The following PTPN14 variants were observed in gnomAD, a reference collection of about 807,000 sequenced individuals.
The protein encoded by PTPN14 is protein tyrosine phosphatase non-receptor type 14.
PTPN14 carries 53 observed loss-of-function variants against 126.8 expected under a neutral mutation model. That is an observed-to-expected ratio of 0.42 (90% confidence interval 0.34 to 0.53). The LOEUF (loss-of-function observed/expected upper bound fraction) is 0.53, where lower values mean the gene tolerates loss of function less well. Ranked by LOEUF, PTPN14 falls within the 20% of genes least tolerant of loss-of-function variation. The probability of loss-of-function intolerance (pLI) is 0.08; values close to 1 mark genes in which losing one functional copy is unlikely to be tolerated. For synonymous variants in PTPN14, 630 were observed against 599.3 expected (o/e 1.05, Z -0.75); for missense variants, 1,257 against 1,552.9 (o/e 0.81, Z 3.20).
At chr1:214,494,841 C>A (rs1333846844) in intron 1 of PTPN14, among the ~76,000 whole-genome samples, 1 of 152,082 alleles carries the variant, frequency 6.6e-6, no homozygotes, top group Admixed American at 6.5e-5. Context: ...AAAAGGAAGA[C>A]CAAAGTATAA....
At chr1:214,462,810 A>G (rs1476049475) in intron 2 of PTPN14, among the ~76,000 whole-genome samples, 1 of 152,250 alleles carries the variant, frequency 6.6e-6, no homozygotes, top group Admixed American at 6.5e-5. Context: ...GTTCTAAAAA[A>G]GTGCCTGGCA....
At chr1:214,460,845 C>T (rs1660494871) in intron 2 of PTPN14, among the ~76,000 whole-genome samples, 1 of 152,142 alleles carries the variant, frequency 6.6e-6, no homozygotes, top group Non-Finnish European at 1.5e-5. Flanking sequence ...ACAATAGGAA[C>T]CAGGCCTGGA....
intron 1 of PTPN14, among the ~76,000 whole-genome samples, chr1:214,497,702 G>T (rs1170855450): frequency 6.6e-6 from 1 of 152,116 alleles, no homozygotes; most frequent in Non-Finnish European, 1.5e-5. Context: ...TTACCGAGTG[G>T]CAAAAGCAAA....
intron 3 of PTPN14, among the ~76,000 whole-genome samples, chr1:214,434,029 G>A (rs1343765496): frequency 6.6e-6 from 1 of 151,746 alleles, no homozygotes; most frequent in Non-Finnish European, 1.5e-5. Flanking sequence ...TTACTTGGGA[G>A]GCTGAGGTGG....
chr1:214,548,586 T>C (rs761396103), intron 1 of PTPN14, among the ~76,000 whole-genome samples: 42 of 152,118 alleles, frequency 2.8e-4, no homozygotes, highest in Non-Finnish European at 6.0e-4. Context: ...GACTAAGTAA[T>C]GAAGCTCAAA....
chr1:214,470,410 A>C (rs1660727417), intron 1 of PTPN14, among the ~76,000 whole-genome samples: 1 of 152,190 alleles, frequency 6.6e-6, no homozygotes, highest in African/African-American at 2.4e-5. Flanking sequence ...CTTATAAAGA[A>C]AAGTAGCCTG....
chr1:214,410,441 T>C (rs145288848), intron 5 of PTPN14, among the ~76,000 whole-genome samples: 2,605 of 152,136 alleles, frequency 0.017, 83 homozygotes, highest in African/African-American at 0.059. Flanking sequence ...TAGAGGTGTG[T>C]GCCACCAAGC....
intron 3 of PTPN14, among the ~76,000 whole-genome samples, chr1:214,415,547 C>G (rs1659407139): frequency 2.0e-5 from 3 of 152,346 alleles, no homozygotes; most frequent in African/African-American, 7.2e-5. Context: ...AATCCTTTTG[C>G]TCCTGGTAAC....
chr1:214,459,143 TTTC>T (rs1177378326), intron 2 of PTPN14, among the ~76,000 whole-genome samples: 5 of 106,534 alleles, frequency 4.7e-5, no homozygotes, highest in African/African-American at 1.5e-4. Context: ...TCCCCACTCT[TTTC>T]TTCTTTTTTT....
intron 2 of PTPN14, among the ~76,000 whole-genome samples, chr1:214,459,579 C>T (rs531578409): frequency 6.6e-6 from 1 of 151,538 alleles, no homozygotes; most frequent in Admixed American, 6.6e-5. Context: ...AAGTGATTCT[C>T]CTCCCTCAGC....
chr1:214,515,786 G>T (rs773187187), intron 1 of PTPN14, among the ~76,000 whole-genome samples: 1 of 150,222 alleles, frequency 6.7e-6, no homozygotes, highest in Admixed American at 6.6e-5. Flanking sequence ...TCTCAAATGT[G>T]AAGAAAAGAA....
At chr1:214,407,505 A>G (rs994395375) in intron 5 of PTPN14, among the ~76,000 whole-genome samples, 1 of 152,186 alleles carries the variant, frequency 6.6e-6, no homozygotes, top group Non-Finnish European at 1.5e-5. Context: ...CAAAAAAAAA[A>G]AAAAAGAATG....
intron 3 of PTPN14, among the ~76,000 whole-genome samples, chr1:214,426,237 A>G (rs1659662187): frequency 6.6e-6 from 1 of 152,046 alleles, no homozygotes; most frequent in Non-Finnish European, 1.5e-5. Flanking sequence ...AAACCAGCAA[A>G]CATCTCACTG....
intron 11 of PTPN14, among the ~76,000 whole-genome samples, chr1:214,388,402 T>C (rs1370870161): frequency 6.6e-6 from 1 of 152,114 alleles, no homozygotes; most frequent in Non-Finnish European, 1.5e-5. Context: ...CATATTTCTT[T>C]TTTCTTTTTT....
At chr1:214,497,181 C>T (rs1654546013) in intron 1 of PTPN14, among the ~76,000 whole-genome samples, 1 of 151,870 alleles carries the variant, frequency 6.6e-6, no homozygotes, top group Non-Finnish European at 1.5e-5. Flanking sequence ...ATACTTGCAA[C>T]ATATGTAACA....
chr1:214,464,680 T>G lies in PTPN14; in HGVS notation c.124A>C (p.Thr42Pro), dbSNP rs780472035. The stretch of plus-strand genomic sequence containing the variant: ...ACAGCCTCCAGGCATTCTTGCCCTG[T>G]GCTTTCCACCGACAGCGTGCACTCG... ...VIECTLSVES[T>P]GQECLEAVAQ... Residue 42 changes from threonine to proline, a missense_variant, in exon 2 of 19, where the codon ACA becomes CCA. Physicochemically the swap from Thr to Pro is conservative, Grantham distance 38. Coordinates refer to ENST00000366956, the MANE Select transcript of PTPN14 (RefSeq NM_005401.5). 2 of 1,614,270 alleles carry G rather than the reference T, an allele frequency of 1.2e-6. No individual in the cohort carries two copies. The highest frequency in any genetic ancestry group is 8.5e-7 in the Non-Finnish European group (1 of 1,180,046).
chr1:214,415,310 C>T (rs1659401518), intron 3 of PTPN14, among the ~76,000 whole-genome samples: 1 of 152,130 alleles, frequency 6.6e-6, no homozygotes, highest in African/African-American at 2.4e-5. Flanking sequence ...AGAATCGTGC[C>T]CAAACACATC....
At chr1:214,368,720 C>T (rs1571953955) in intron 17 of PTPN14, among the ~76,000 whole-genome samples, 1 of 152,254 alleles carries the variant, frequency 6.6e-6, no homozygotes, top group Admixed American at 6.5e-5. Context: ...CAGTGGCTCA[C>T]ACCTGTAATC....
chr1:214,388,075 G>A (rs181818570), intron 11 of PTPN14, among the ~76,000 whole-genome samples: 24 of 152,240 alleles, frequency 1.6e-4, no homozygotes, highest in African/African-American at 5.5e-4. Flanking sequence ...TCATGCTGCG[G>A]AAGAGGGACA....
Sources: allele counts gnomAD v4.1 joint callset (sites outside exome capture counted in the v4.1 genomes callset), GRCh38; gene constraint gnomAD v4.1.1; transcripts MANE v1.5; gene names NCBI Gene and HGNC (gene_info 2026-07-23, HGNC 2026-07-21).